GAREM1: variants seen among roughly 807,000 people sequenced by gnomAD.
GAREM1 encodes GRB2-associated and regulator of MAPK protein 1.
In GAREM1, 26 loss-of-function variants were observed where a neutral mutation model predicts 71.3. The ratio of observed to expected loss-of-function variants is 0.36; its 90% CI spans 0.27 to 0.51. The LOEUF is 0.51. Ranked by LOEUF, GAREM1 falls within the 20% of genes least tolerant of loss-of-function variation. The probability of loss-of-function intolerance (pLI) is 0.95; values close to 1 mark genes in which losing one functional copy is unlikely to be tolerated. For synonymous variants in GAREM1, 440 were observed against 433.2 expected (o/e 1.02, Z -0.20); for missense variants, 1,026 against 1,103.1 (o/e 0.93, Z 0.99).
chr18:32,444,826 G>A (rs1461275093), intron 1 of GAREM1, among the ~76,000 whole-genome samples: 3 of 152,134 alleles, frequency 2.0e-5, no homozygotes, highest in African/African-American at 4.8e-5. Context: ...ATGTTCCTAA[G>A]GCACGAACAT....
intron 2 of GAREM1, among the ~76,000 whole-genome samples, chr18:32,313,245 T>C (rs2047341574): frequency 2.0e-5 from 3 of 151,636 alleles, no homozygotes; most frequent in Admixed American, 2.0e-4. Context: ...CTGAGCTGGA[T>C]AAAATGGGCA....
At chr18:32,397,977 A>G (rs911808225) in intron 1 of GAREM1, among the ~76,000 whole-genome samples, 2 of 152,142 alleles carry the variant, frequency 1.3e-5, no homozygotes, top group Non-Finnish European at 2.9e-5. Context: ...TCAGACCACA[A>G]TGCAATCAAA....
chr18:32,403,791 A>C (rs1280680462), intron 1 of GAREM1, among the ~76,000 whole-genome samples: 1 of 152,208 alleles, frequency 6.6e-6, no homozygotes, highest in African/African-American at 2.4e-5. Flanking sequence ...GGCTTTGCTT[A>C]CAGTCTATGC....
chr18:32,428,933 G>GT (rs374018552), intron 1 of GAREM1, among the ~76,000 whole-genome samples: 12,633 of 146,534 alleles, frequency 0.086, 765 homozygotes, highest in African/African-American at 0.18. Context: ...AGTAGTTCAA[G>GT]TTTTTTTTTT....
chr18:32,336,218 C>G (rs2047592139), intron 2 of GAREM1, among the ~76,000 whole-genome samples: 1 of 152,084 alleles, frequency 6.6e-6, no homozygotes, highest in Non-Finnish European at 1.5e-5. Flanking sequence ...ATCATGAGGT[C>G]AGGAGATCGA....
rs1428365745 is a variant in GAREM1 at position 32,427,913 on chromosome 18, G to C, written c.122-34878C>G. 2.0e-5 allele frequency among the ~76,000 whole-genome samples: 3 copies of C among 151,472 alleles called. No individual in the cohort carries two copies. In the South Asian group the frequency reaches 6.2e-4, roughly 31 times the overall value. The stretch of plus-strand genomic sequence containing the variant: ...CCAACACACAATAGCATGAATAAAG[G>C]GAAAAAAAGGGGTCCTATGAAATTT... On this transcript the variant is annotated intron_variant, in intron 1 of 5. Coordinates refer to ENST00000269209, the MANE Select transcript of GAREM1 (RefSeq NM_001242409.2).
intron 1 of GAREM1, among the ~76,000 whole-genome samples, chr18:32,417,121 G>A (rs922778252): frequency 2.0e-5 from 3 of 152,250 alleles, no homozygotes; most frequent in African/African-American, 7.2e-5. Context: ...ATGAAAAAGT[G>A]CTCAACATCA....
chr18:32,319,795 T>A (rs2047412637), intron 2 of GAREM1, among the ~76,000 whole-genome samples: 1 of 152,212 alleles, frequency 6.6e-6, no homozygotes, highest in East Asian at 1.9e-4. Flanking sequence ...TCAAAACAAA[T>A]GGTTGCATTC....
chr18:32,421,758 T>G (rs2048521641), intron 1 of GAREM1, among the ~76,000 whole-genome samples: 1 of 152,130 alleles, frequency 6.6e-6, no homozygotes, highest in East Asian at 1.9e-4. Context: ...TCTGTCATAT[T>G]TGCAAGAGAT....
intron 1 of GAREM1, among the ~76,000 whole-genome samples, chr18:32,421,706 C>T (rs1476197424): frequency 6.6e-6 from 1 of 152,046 alleles, no homozygotes; most frequent in Non-Finnish European, 1.5e-5. Context: ...GCCTAGAAAG[C>T]CCTTCCCCCA....
At chr18:32,427,470 G>A (rs2048586367) in intron 1 of GAREM1, among the ~76,000 whole-genome samples, 1 of 152,192 alleles carries the variant, frequency 6.6e-6, no homozygotes, top group South Asian at 2.1e-4. Context: ...CATGGAAATT[G>A]AGAGTTCAAT....
intron 4 of GAREM1, among the ~76,000 whole-genome samples, chr18:32,279,493 T>C (rs1040609313): frequency 1.3e-5 from 2 of 152,200 alleles, no homozygotes; most frequent in Non-Finnish European, 2.9e-5. Context: ...CTAGGTTGCG[T>C]ATTCCTTATG....
chr18:32,290,755 G>T (rs1028960885), intron 3 of GAREM1, among the ~76,000 whole-genome samples: 5 of 151,694 alleles, frequency 3.3e-5, no homozygotes, highest in Non-Finnish European at 7.4e-5. Flanking sequence ...TTTCCTCTAA[G>T]AGAAATGCCA....
At chr18:32,433,690 AAATAT>A (rs1304470882) in intron 1 of GAREM1, among the ~76,000 whole-genome samples, 1 of 152,138 alleles carries the variant, frequency 6.6e-6, no homozygotes, top group Non-Finnish European at 1.5e-5. Context: ...ACAAATTTTA[AAATAT>A]AATACCATTT....
intron 1 of GAREM1, among the ~76,000 whole-genome samples, chr18:32,462,941 T>TG (rs914926921): frequency 4.6e-5 from 7 of 152,044 alleles, no homozygotes; most frequent in African/African-American, 1.7e-4. Flanking sequence ...GCGGGGCAAC[T>TG]GGGGGAGGTT....
intron 4 of GAREM1, among the ~76,000 whole-genome samples, chr18:32,278,397 T>C (rs676968): frequency 0.19 from 28,284 of 152,174 alleles, 2,798 homozygotes; most frequent in South Asian, 0.23. Context: ...AATAAGGAGA[T>C]TTTGGCATAC....
At chr18:32,356,009 T>C (rs928458422) in intron 2 of GAREM1, among the ~76,000 whole-genome samples, 21 of 152,346 alleles carry the variant, frequency 1.4e-4, no homozygotes, top group African/African-American at 5.0e-4. Flanking sequence ...TAAATGGACT[T>C]TGCCATTCTA....
chr18:32,332,392 G>C (rs1020290990), intron 2 of GAREM1, among the ~76,000 whole-genome samples: 1 of 151,936 alleles, frequency 6.6e-6, no homozygotes, highest in Non-Finnish European at 1.5e-5. Flanking sequence ...TGCTCACATG[G>C]GGGGGTTGGA....
chr18:32,288,911 C>T (rs1025364593), intron 3 of GAREM1, among the ~76,000 whole-genome samples: 8 of 152,080 alleles, frequency 5.3e-5, no homozygotes, highest in Non-Finnish European at 1.2e-4. Context: ...TATGAATGTG[C>T]ATTATTTGAC....
Sources: gnomAD v4.1 joint callset for allele counts (sites outside exome capture counted in the v4.1 genomes callset) on GRCh38, gnomAD v4.1.1 for gene constraint, MANE v1.5 for transcripts, NCBI Gene and HGNC (gene_info 2026-07-23, HGNC 2026-07-21) for gene names.